The following WWOX variants were observed in gnomAD, a reference collection of about 807,000 sequenced individuals.
WWOX encodes WW domain-containing oxidoreductase.
WWOX carries 69 observed loss-of-function variants against 46.2 expected under a neutral mutation model. That is an observed-to-expected ratio of 1.49 (90% CI 1.23 to 1.82). The LOEUF is 1.82. WWOX is among the 40% of genes most tolerant of loss of function. The pLI, the probability that WWOX is intolerant of heterozygous loss-of-function variation, is 0.00. For synonymous variants in WWOX, 359 were observed against 202.6 expected, an observed-to-expected ratio of 1.77 and a Z score of -6.56; for missense variants, 919 against 542.6, an observed-to-expected ratio of 1.69 and a Z score of -6.89.
chr16:79,114,971 G>C (rs2049485971), intron 8 of WWOX, among the ~76,000 whole-genome samples: 1 of 152,210 alleles, frequency 6.6e-6, no homozygotes, highest in African/African-American at 2.4e-5. Flanking sequence ...TAGACAATTA[G>C]CTCGCCCACA....
chr16:78,870,403 A>G (rs930954323), intron 8 of WWOX, among the ~76,000 whole-genome samples: 6 of 152,164 alleles, frequency 3.9e-5, no homozygotes, highest in African/African-American at 1.4e-4. Flanking sequence ...GTAGATGGGA[A>G]GACTAAGGTC....
chr16:78,241,750 C>G (rs758964489), intron 5 of WWOX, among the ~76,000 whole-genome samples: 1 of 152,122 alleles, frequency 6.6e-6, no homozygotes, highest in Non-Finnish European at 1.5e-5. Context: ...CGCGCAGCCA[C>G]TGTTGCTATT....
intron 8 of WWOX, among the ~76,000 whole-genome samples, chr16:79,020,156 A>G (rs1289377991): frequency 6.6e-6 from 1 of 152,196 alleles, no homozygotes; most frequent in Non-Finnish European, 1.5e-5. Flanking sequence ...TGTCTTTGAA[A>G]CAGTCAAAGG....
At chr16:79,145,837 A>C (rs899874474) in intron 8 of WWOX, among the ~76,000 whole-genome samples, 5 of 152,178 alleles carry the variant, frequency 3.3e-5, no homozygotes, top group African/African-American at 7.2e-5. Flanking sequence ...ACCCCATTCA[A>C]AATATTAACA....
chr16:78,210,536 C>G (rs1428585832), intron 5 of WWOX, among the ~76,000 whole-genome samples: 1 of 152,160 alleles, frequency 6.6e-6, no homozygotes, highest in East Asian at 1.9e-4. Flanking sequence ...CTGTCTCTCT[C>G]TCTTTCTCTG....
intron 8 of WWOX, among the ~76,000 whole-genome samples, chr16:78,547,367 T>C (rs765938130): frequency 6.6e-6 from 1 of 152,120 alleles, no homozygotes; most frequent in Admixed American, 6.6e-5. Flanking sequence ...AGGTTAGATG[T>C]GTATCTAAGG....
At chr16:78,887,075 GT>G (rs1463234733) in intron 8 of WWOX, among the ~76,000 whole-genome samples, 2 of 20,896 alleles carry the variant, frequency 9.6e-5, no homozygotes, top group Non-Finnish European at 4.6e-4. Context: ...GTGTGTGTGT[GT>G]GGTGTGTGTG....
intron 8 of WWOX, among the ~76,000 whole-genome samples, chr16:79,000,453 C>T (rs1053430791): frequency 1.3e-5 from 2 of 152,166 alleles, no homozygotes; most frequent in Admixed American, 6.5e-5. Context: ...TAGGCCCAGT[C>T]GAATCAGAGA....
At chr16:78,337,170 A>C (rs921220112) in intron 5 of WWOX, among the ~76,000 whole-genome samples, 5 of 152,216 alleles carry the variant, frequency 3.3e-5, no homozygotes, top group African/African-American at 1.2e-4. Context: ...GTAGGTAGCC[A>C]GTTTATAACC....
intron 8 of WWOX, among the ~76,000 whole-genome samples, chr16:78,931,887 G>C (rs910454325): frequency 2.0e-5 from 3 of 152,192 alleles, no homozygotes; most frequent in Admixed American, 2.0e-4. Context: ...GATCATGGGG[G>C]TGGGTCTTTC....
At chr16:78,600,787 G>A (rs975172375) in intron 8 of WWOX, among the ~76,000 whole-genome samples, 8 of 152,160 alleles carry the variant, frequency 5.3e-5, no homozygotes, top group Non-Finnish European at 1.2e-4. Context: ...CAGCCATCTT[G>A]GGAGTGCTCA....
At chr16:78,398,103 A>AC (rs776955611) in intron 6 of WWOX, among the ~76,000 whole-genome samples, 17 of 152,192 alleles carry the variant, frequency 1.1e-4, no homozygotes, top group Non-Finnish European at 7.3e-5. Context: ...ACAGAAGAAG[A>AC]CCAAGGGGTC....
chr16:78,728,270 G>T (rs1226010566), intron 8 of WWOX, among the ~76,000 whole-genome samples: 3 of 151,700 alleles, frequency 2.0e-5, no homozygotes, highest in Non-Finnish European at 4.4e-5. Context: ...CCACTGTGTT[G>T]CCCAAGCTGG....
chr16:78,367,989 T>G (rs1308900173), intron 5 of WWOX, among the ~76,000 whole-genome samples: 2 of 152,106 alleles, frequency 1.3e-5, no homozygotes, highest in Non-Finnish European at 2.9e-5. Flanking sequence ...ACTCCTGATC[T>G]TAGGTGATCT....
At chr16:78,499,134 G>T (rs546854491) in intron 8 of WWOX, among the ~76,000 whole-genome samples, 1 of 152,112 alleles carries the variant, frequency 6.6e-6, no homozygotes, top group East Asian at 1.9e-4. Context: ...AACCATGTGG[G>T]CCCTTCTCTT....
chr16:78,920,655 G>A (rs1460457258), intron 8 of WWOX, among the ~76,000 whole-genome samples: 1 of 152,142 alleles, frequency 6.6e-6, no homozygotes, highest in Non-Finnish European at 1.5e-5. Flanking sequence ...CTTGATTCAT[G>A]TCTTGGAAAC....
intron 8 of WWOX, among the ~76,000 whole-genome samples, chr16:78,489,057 C>G (rs533657790): frequency 6.6e-6 from 1 of 152,168 alleles, no homozygotes; most frequent in South Asian, 2.1e-4. Flanking sequence ...TTCAGGAGAT[C>G]AATAGTTATC....
At chr16:78,358,634 A>C (rs1249372938) in intron 5 of WWOX, among the ~76,000 whole-genome samples, 2 of 151,868 alleles carry the variant, frequency 1.3e-5, no homozygotes, top group Non-Finnish European at 2.9e-5. Flanking sequence ...CTCCAGCCTG[A>C]GCAACAGAGC....
intron 5 of WWOX, among the ~76,000 whole-genome samples, chr16:78,277,367 C>T (rs2079596615): frequency 6.6e-6 from 1 of 152,184 alleles, no homozygotes; most frequent in Non-Finnish European, 1.5e-5. Flanking sequence ...ATTGCCATTT[C>T]TAGCATTCTC....
Sources: allele counts gnomAD v4.1 joint callset (sites outside exome capture counted in the v4.1 genomes callset), GRCh38; gene constraint gnomAD v4.1.1; transcripts MANE v1.5; gene names NCBI Gene and HGNC (gene_info 2026-07-23, HGNC 2026-07-21).